C2orf81: variants seen among roughly 807,000 people sequenced by gnomAD.
The protein encoded by C2orf81 is uncharacterized protein C2orf81.
C2orf81 carries 5 observed loss-of-function variants against 7.9 expected under a neutral mutation model. That is an observed-to-expected ratio of 0.63 (90% CI 0.33 to 1.33). The LOEUF (loss-of-function observed/expected upper bound fraction) is 1.33. Among genes scored for constraint, C2orf81 ranks in the 40% most tolerant of loss-of-function variants. The pLI is 0.05. For synonymous variants in C2orf81, 346 were observed against 367.4 expected, an observed-to-expected ratio of 0.94 and a Z score of 0.66; for missense variants, 781 against 830.4, an observed-to-expected ratio of 0.94 and a Z score of 0.73.
At chr2:74,418,940 G>A (rs1484813593) in intron 1 of C2orf81, among the ~76,000 whole-genome samples, 1 of 152,048 alleles carries the variant, frequency 6.6e-6, no homozygotes, top group Non-Finnish European at 1.5e-5. Context: ...CAGCACTTTG[G>A]GAGGCCGAGG....
At chr2:74,420,109 G>A (rs575440264) in intron 1 of C2orf81, among the ~76,000 whole-genome samples, 14 of 152,278 alleles carry the variant, frequency 9.2e-5, no homozygotes, top group South Asian at 2.1e-4. Context: ...ATGATGTAAC[G>A]TTAATTGAAA....
intron 1 of C2orf81, among the ~76,000 whole-genome samples, chr2:74,418,756 T>C (rs963592517): frequency 4.6e-5 from 7 of 151,982 alleles, no homozygotes; most frequent in African/African-American, 1.4e-4. Flanking sequence ...TTACCCAGTA[T>C]CATACAAGTA....
At chr2:74,417,821 G>A (rs1388339743) in intron 1 of C2orf81, 18 of 518,986 alleles carry the variant, frequency 3.5e-5, no homozygotes, top group Admixed American at 1.2e-4. Context: ...GATCAGGGAC[G>A]CAGCAGGTGC....
chr2:74,414,351 G>C lies in C2orf81; in HGVS notation c.1826C>G (p.Thr609Arg). The change falls in exon 3 of 3, where the codon ACA (threonine) becomes AGA (arginine). Residue 609 changes from threonine (T) to arginine (R), a missense_variant. Physicochemically the swap from Thr to Arg is moderately conservative, Grantham distance 71. Transcript: ENST00000684111. The surrounding 1 kb of genome is among the most constrained non-coding windows in gnomAD (Gnocchi z 5.3). ...FPPVEQHPIQTGAPKPR is the reference protein window; with the variant it reads ...FPPVEQHPIQRGAPKPR ...CGGTCACCTGGGCTTTGGGGCACCT[G>C]TCTGGATGGGATGTTGCTCAACGGG... is the stretch of plus-strand genomic sequence containing the variant. 1 of 1,496,750 alleles carries C rather than the reference G, an allele frequency of 6.7e-7. No homozygotes were observed. Among genetic ancestry groups the C allele is most frequent in the African/African-American group, 1.4e-5 (1 of 71,890 alleles). 92.7% of individuals were successfully genotyped at this position (1,496,750 alleles called of 1,614,324 possible).
chr2:74,416,700 C>T (rs1221403740), intron 1 of C2orf81: 1 of 154,698 alleles, frequency 6.5e-6, no homozygotes, highest in Non-Finnish European at 1.4e-5. Flanking sequence ...AACTTCATGG[C>T]CCTTATACCA....
intron 1 of C2orf81, chr2:74,418,600 T>A: frequency 1.6e-6 from 1 of 629,850 alleles, no homozygotes; most frequent in Non-Finnish European, 2.9e-6. Flanking sequence ...CAAATGCGGA[T>A]GCCTTCCTGG....
At chr2:74,417,834 G>A (rs1271918681) in intron 1 of C2orf81, 2 of 519,976 alleles carry the variant, frequency 3.8e-6, no homozygotes, top group East Asian at 1.1e-4. Context: ...GCAGGTGCAG[G>A]GTGCGGCTAA....
chr2:74,416,016 G>A lies in C2orf81; in HGVS notation c.244C>T (p.Gln82Ter), dbSNP rs1363535455. Residue 82 changes from glutamine to a stop codon, truncating the protein, a stop_gained, in exon 2 of 3, where the codon CAG becomes TAG. Coordinates refer to ENST00000684111, the MANE Select transcript of C2orf81 (RefSeq NM_001316764.3). LOFTEE classifies it low-confidence loss of function (END_TRUNC). Reference protein sequence around the residue: ...MDSAFKVYLTQQCIPFTISQA... With the variant: ...MDSAFKVYLT ...GGACCCGGATCCCGGCCCACCTGCT[G>A]AGTCAGGTAGACTTTGAAAGCAGAG... 6.5e-7 allele frequency: 1 copy of A among 1,550,062 alleles called. No homozygotes were observed. The highest frequency in any genetic ancestry group is 8.7e-7 in the Non-Finnish European group (1 of 1,146,870).
intron 1 of C2orf81, chr2:74,417,345 C>T: frequency 7.7e-7 from 1 of 1,305,940 alleles, no homozygotes; most frequent in Non-Finnish European, 1.0e-6. Flanking sequence ...AGCCCCAGCC[C>T]ACCTCAGGTA....
chr2:74,415,903 C>T lies in C2orf81; in HGVS notation c.274G>A (p.Ala92Thr), dbSNP rs1453190506. 1.3e-6 allele frequency: 2 copies of T among 1,549,120 alleles called. No homozygotes were observed. The highest frequency in any genetic ancestry group is 1.7e-6 in the Non-Finnish European group (2 of 1,145,194). Residue 92 changes from alanine (A) to threonine (T), a missense_variant, in exon 3 of 3, where the codon GCC becomes ACC. By Grantham distance (58) the Ala-to-Thr change is moderately conservative (BLOSUM62 0). Coordinates refer to ENST00000684111, the MANE Select transcript of C2orf81 (RefSeq NM_001316764.3). The surrounding 1 kb of genome is among the most constrained non-coding windows in gnomAD (Gnocchi z 5.5). ...QQCIPFTISQ[A>T]REAMLQITEW... The stretch of plus-strand genomic sequence containing the variant: ...GTGATCTGCAGCATGGCCTCCCGGG[C>T]CTGGCTGATGGTGAATGGAATGCAC...
At position 74,415,549 on chromosome 2, in the gene C2orf81, C is replaced by A. The variant is rs991902353; in HGVS notation, c.628G>T (p.Glu210Ter). Residue 210 changes from glutamate (E) to a stop codon, truncating the protein, a stop_gained, in exon 3 of 3, where the codon GAA (glutamate) becomes TAA (stop). Coordinates refer to ENST00000684111, the MANE Select transcript of C2orf81 (RefSeq NM_001316764.3). LOFTEE classifies it low-confidence loss of function (END_TRUNC). The surrounding 1 kb of genome is among the most constrained non-coding windows in gnomAD (Gnocchi z 5.5). The stretch of plus-strand genomic sequence containing the variant: ...AGCTGCGGAGAAGGCTCCCAAGATT[C>A]CATCTGCTCCTGGGAGCCTCGACCC... ...WMGRGSQEQM[E>*]SWEPSPQLRV... 1.3e-5 allele frequency: 20 copies of A among 1,549,448 alleles called. No individual in the cohort carries two copies. Among genetic ancestry groups the A allele is most frequent in the Non-Finnish European group, 1.7e-5 (19 of 1,145,622 alleles).
rs779669156 is a variant in C2orf81 at position 74,414,613 on chromosome 2, TC to T, written c.1563del (p.Thr522ProfsTer35). 1.3e-6 allele frequency: 2 copies of T among 1,549,680 alleles called. No individual in the cohort carries two copies. The highest frequency in any genetic ancestry group is 4.9e-5 in the East Asian group (2 of 40,852). ...AELLGELWAG[R>X]TRVPPQGLEL... ...TCCAGACCCTGTGGAGGCACGCGGG[TC>T]CGGCCAGCCCACAGCTCGCCCAGCA... is the stretch of plus-strand genomic sequence containing the variant. On this transcript the variant is annotated frameshift_variant, in exon 3 of 3. Transcript: ENST00000684111. LOFTEE classifies it low-confidence loss of function (END_TRUNC). This position sits in a 1 kb window ranked among gnomAD's most constrained non-coding sequence, Gnocchi z 5.3.
In C2orf81 at chr2:74,415,118, G is replaced by C. The variant is rs966133221; in HGVS notation, c.1059C>G (p.Ala353=). 1.3e-6 allele frequency: 2 copies of C among 1,544,756 alleles called. No individual in the cohort carries two copies. The highest frequency in any genetic ancestry group is 1.2e-5 in the South Asian group (1 of 83,740). ...RPSASCQQQR[A]GHSDVRLSAH... is the part of the protein sequence containing the mutation. Reference sequence around the variant, plus strand: ...CGCTCAGCCGCACATCCGAGTGCCCGGCCCGCTGCTGCTGGCAGGACGCGG... The same window carrying C: ...CGCTCAGCCGCACATCCGAGTGCCCCGCCCGCTGCTGCTGGCAGGACGCGG... The change falls in exon 3 of 3, where the codon GCC becomes GCG. Residue 353 remains alanine, a synonymous_variant. Transcript: ENST00000684111. The surrounding 1 kb of genome is among the most constrained non-coding windows in gnomAD (Gnocchi z 5.5).
In C2orf81 at chr2:74,415,825, G is replaced by A. The variant is rs1346694003; in HGVS notation, c.352C>T (p.Pro118Ser). Residue 118 changes from proline (P) to serine (S), a missense_variant, in exon 3 of 3, where the codon CCC becomes TCC. Coordinates refer to ENST00000684111, the MANE Select transcript of C2orf81 (RefSeq NM_001316764.3). The surrounding 1 kb of genome is among the most constrained non-coding windows in gnomAD (Gnocchi z 5.5). ...GGCTCCTCGTCCTCACCCCATGTGGGGTCCTCAGCTACTGCAGATTCTCCC... is the reference window on the plus strand; with the variant it reads ...GGCTCCTCGTCCTCACCCCATGTGGAGTCCTCAGCTACTGCAGATTCTCCC... ...DEGESAVAED[P>S]TWGEDEEPSA... The A allele has an allele frequency of 6.4e-7, 1 of 1,551,464 alleles. No homozygotes were observed. The highest frequency in any genetic ancestry group is 2.4e-5 in the East Asian group (1 of 40,934).
At position 74,414,805 on chromosome 2, in the gene C2orf81, T is replaced by G; in HGVS notation, c.1372A>C (p.Asn458His). The G allele has an allele frequency of 6.4e-7, 1 of 1,551,414 alleles. No individual in the cohort carries two copies. The highest frequency in any genetic ancestry group is 8.7e-7 in the Non-Finnish European group (1 of 1,146,862). ...AGGGATGGCGACGATAGGCCTAAAT[T>G]TAAAGTGGGGAACAGGAGTGCGGGG... ...SGPALLFPTL[N>H]LGLSSPSLES... Residue 458 changes from asparagine to histidine, a missense_variant, in exon 3 of 3, where the codon AAT becomes CAT. Coordinates refer to ENST00000684111, the MANE Select transcript of C2orf81 (RefSeq NM_001316764.3). This position sits in a 1 kb window ranked among gnomAD's most constrained non-coding sequence, Gnocchi z 5.3.
intron 1 of C2orf81, among the ~76,000 whole-genome samples, chr2:74,419,743 T>A (rs568696923): frequency 4.6e-5 from 7 of 152,210 alleles, no homozygotes; most frequent in Non-Finnish European, 7.3e-5. Context: ...TGAAATATTA[T>A]GCAATGATTA....
rs1676450978 is a variant in C2orf81, at chr2:74,415,860, G to C, written c.317C>G (p.Ala106Gly). ...MLQITEWRFL[A>G]RDEGESAVAE... ...TACTGCAGATTCTCCCTCGTCCCGG[G>C]CCAGGAAGCGCCACTCGGTGATCTG... The change falls in exon 3 of 3, where the codon GCC becomes GGC. Residue 106 changes from alanine to glycine, a missense_variant. By Grantham distance (60) the Ala-to-Gly change is moderately conservative. Transcript: ENST00000684111. The surrounding 1 kb of genome is among the most constrained non-coding windows in gnomAD (Gnocchi z 5.5). The C allele has an allele frequency of 1.3e-6, 2 of 1,551,446 alleles. No individual in the cohort carries two copies. The highest frequency in any genetic ancestry group is 1.7e-6 in the Non-Finnish European group (2 of 1,146,878).
In C2orf81 at chr2:74,415,966, G is replaced by A; in HGVS notation, c.250-39C>T. On this transcript the variant is annotated intron_variant, in intron 2 of 2. Coordinates refer to ENST00000684111, the MANE Select transcript of C2orf81 (RefSeq NM_001316764.3). This position sits in a 1 kb window ranked among gnomAD's most constrained non-coding sequence, Gnocchi z 5.5. ...AGAGGATCTCAGGTCGGCAGGGAGG[G>A]GCGGGAGAGGGAGACGAGTCTGAAG... 6.5e-7 allele frequency: 1 copy of A among 1,547,550 alleles called. No individual in the cohort carries two copies. The highest frequency in any genetic ancestry group is 8.7e-7 in the Non-Finnish European group (1 of 1,144,200).
At chr2:74,421,318 C>T (rs528357580) in intron 1 of C2orf81, among the ~76,000 whole-genome samples, 2 of 152,334 alleles carry the variant, frequency 1.3e-5, no homozygotes, top group African/African-American at 4.8e-5. Flanking sequence ...ACCCACTGAC[C>T]CTTTCCCTCA....
Sources: allele counts gnomAD v4.1 joint callset (sites outside exome capture counted in the v4.1 genomes callset), GRCh38; gene constraint gnomAD v4.1.1; non-coding constraint Gnocchi (gnomAD v3.1); transcripts MANE v1.5; gene names NCBI Gene and HGNC (gene_info 2026-07-23, HGNC 2026-07-21).